Variants in SLC24A2 observed in about 807,000 individuals in gnomAD.
The protein encoded by SLC24A2 is sodium/potassium/calcium exchanger 2.
A neutral mutation model predicts 62.0 loss-of-function variants in SLC24A2; 36 were observed. The observed-to-expected ratio is 0.58, with a 90% CI of 0.44 to 0.77. SLC24A2 has a LOEUF of 0.77. SLC24A2 is among the 30% of genes least tolerant of loss of function. The pLI, the probability that SLC24A2 is intolerant of heterozygous loss-of-function variation, is 0.00. For missense variants in SLC24A2, 846 were observed against 817.9 expected (o/e 1.03, Z -0.42); for synonymous variants, 358 against 294.0 (o/e 1.22, Z -2.23).
the SLC24A2 span, among the ~76,000 whole-genome samples, chr9:20,068,057 CTTTTTTTTTTTT>C: frequency 2.2e-3 from 193 of 89,758 alleles, 4 homozygotes; most frequent in African/African-American, 8.2e-3. Flanking sequence ...TTTTTTGACT[CTTTTTTTTTTTT>C]TTTTTTTTTT....
At chr9:19,963,987 A>G in the SLC24A2 span, among the ~76,000 whole-genome samples, 1 of 152,094 alleles carries the variant, frequency 6.6e-6, no homozygotes, top group Admixed American at 6.5e-5. Flanking sequence ...CAACAATGAT[A>G]GACTGGATTA....
Position 19,515,005 on chromosome 9 carries a change from G to A in SLC24A2, c.*1148C>T, listed in dbSNP as rs1030098109. The A allele has an allele frequency of 2.0e-5, 3 of 152,302 alleles. No homozygotes were observed. The highest frequency in any genetic ancestry group is 7.2e-5 in the African/African-American group (3 of 41,558). The allele number at this position is 152,302 out of a possible 1,614,324, so 9.4% of individuals were successfully genotyped here. A position where few individuals can be genotyped will look rare whatever the true frequency, so the allele number is the denominator to read the frequency against. On this transcript the variant is annotated 3_prime_UTR_variant, in exon 11 of 11. Coordinates refer to ENST00000341998, the MANE Select transcript of SLC24A2 (RefSeq NM_020344.4). Reference sequence around the variant, plus strand: ...GCCCTTACATCCCATTAGGTGGCAAGGCCCACTAAGCACCTTTACTGGATG... The same window carrying A: ...GCCCTTACATCCCATTAGGTGGCAAAGCCCACTAAGCACCTTTACTGGATG...
At chr9:20,005,397 A>T in the SLC24A2 span, among the ~76,000 whole-genome samples, 1 of 152,190 alleles carries the variant, frequency 6.6e-6, no homozygotes, top group African/African-American at 2.4e-5. Flanking sequence ...TATTGTGCTG[A>T]GGACTTTACA....
At chr9:19,941,556 A>AGTGTGTGTGT in the SLC24A2 span, among the ~76,000 whole-genome samples, 250 of 134,146 alleles carry the variant, frequency 1.9e-3, no homozygotes, top group East Asian at 0.012. Context: ...GAGGACTGGG[A>AGTGTGTGTGT]GTGTGTGTGT....
chr9:19,813,479 G>C, the SLC24A2 span, among the ~76,000 whole-genome samples: 120 of 151,846 alleles, frequency 7.9e-4, no homozygotes, highest in African/African-American at 2.4e-3. Flanking sequence ...CACCATGTCT[G>C]GCTAATTTTT....
intron 2 of SLC24A2, among the ~76,000 whole-genome samples, chr9:19,745,040 GC>G (rs1821791935): frequency 6.6e-6 from 1 of 152,164 alleles, no homozygotes; most frequent in South Asian, 2.1e-4. Context: ...AGTGGGAGGT[GC>G]TGGATCACAG....
the SLC24A2 span, among the ~76,000 whole-genome samples, chr9:20,178,980 C>T: frequency 2.0e-5 from 3 of 152,152 alleles, no homozygotes; most frequent in South Asian, 2.1e-4. Context: ...TGTCCAAAAT[C>T]ACACTTCAAT....
At chr9:20,128,388 A>T in the SLC24A2 span, among the ~76,000 whole-genome samples, 12,870 of 152,176 alleles carry the variant, frequency 0.085, 1,132 homozygotes, top group African/African-American at 0.23. Flanking sequence ...TTAAGATTCA[A>T]GTAAATAGAG....
chr9:19,683,403 G>A (rs753570948), intron 2 of SLC24A2, among the ~76,000 whole-genome samples: 7 of 152,114 alleles, frequency 4.6e-5, no homozygotes, highest in Non-Finnish European at 8.8e-5. Context: ...GAAAGATGGA[G>A]GAGCTCATTG....
intron 2 of SLC24A2, among the ~76,000 whole-genome samples, chr9:19,719,182 A>G (rs1336887315): frequency 6.6e-6 from 1 of 152,162 alleles, no homozygotes; most frequent in Non-Finnish European, 1.5e-5. Context: ...TGGTGCTCAT[A>G]GTCACAAGAC....
chr9:19,571,859 TG>T (rs1835845843), intron 7 of SLC24A2, among the ~76,000 whole-genome samples: 1 of 151,552 alleles, frequency 6.6e-6, no homozygotes, highest in African/African-American at 2.4e-5. Context: ...CTAGAGAGAG[TG>T]GTGGAAATTG....
the SLC24A2 span, among the ~76,000 whole-genome samples, chr9:20,244,012 T>C: frequency 6.6e-6 from 1 of 152,156 alleles, no homozygotes; most frequent in African/African-American, 2.4e-5. Flanking sequence ...CCGGCTGCTG[T>C]CCCAGCCTGT....
At chr9:19,801,838 T>A in the SLC24A2 span, among the ~76,000 whole-genome samples, 1 of 150,466 alleles carries the variant, frequency 6.6e-6, no homozygotes, top group African/African-American at 2.5e-5. Flanking sequence ...TAATCACTGT[T>A]TTTTTTTCTT....
the SLC24A2 span, among the ~76,000 whole-genome samples, chr9:20,050,778 C>A: frequency 3.3e-5 from 5 of 152,148 alleles, no homozygotes; most frequent in African/African-American, 1.2e-4. Context: ...TAACAACACA[C>A]AATCAGTGAT....
chr9:19,675,852 C>A (rs1026492538), intron 2 of SLC24A2, among the ~76,000 whole-genome samples: 1 of 152,130 alleles, frequency 6.6e-6, no homozygotes, highest in African/African-American at 2.4e-5. Context: ...CCCTATTCAC[C>A]CCCTCCCCTG....
At chr9:20,063,645 TA>T in the SLC24A2 span, among the ~76,000 whole-genome samples, 3 of 151,724 alleles carry the variant, frequency 2.0e-5, no homozygotes, top group East Asian at 1.9e-4. Flanking sequence ...AGTATAATAA[TA>T]AAAAAATAAA....
chr9:20,229,733 T>A, the SLC24A2 span, among the ~76,000 whole-genome samples: 10 of 152,262 alleles, frequency 6.6e-5, no homozygotes, highest in East Asian at 7.7e-4. Flanking sequence ...TCTTTTTTTT[T>A]AATTTTATTA....
At chr9:20,158,517 C>G in the SLC24A2 span, among the ~76,000 whole-genome samples, 66 of 151,766 alleles carry the variant, frequency 4.3e-4, no homozygotes, top group South Asian at 1.0e-3. Flanking sequence ...CATCAGACAT[C>G]AAACTTGCAA....
chr9:19,628,409 G>C (rs893994177), intron 2 of SLC24A2, among the ~76,000 whole-genome samples: 6 of 152,130 alleles, frequency 3.9e-5, no homozygotes, highest in Admixed American at 3.3e-4. Flanking sequence ...GGCAAGAAGG[G>C]CCTCAGGCTA....
Sources: gnomAD v4.1 joint callset for allele counts (sites outside exome capture counted in the v4.1 genomes callset) on GRCh38, gnomAD v4.1.1 for gene constraint, MANE v1.5 for transcripts, NCBI Gene and HGNC (gene_info 2026-07-23, HGNC 2026-07-21) for gene names.